NVL: variants seen among roughly 807,000 people sequenced by gnomAD.
NVL encodes nuclear valosin-containing protein-like.
NVL carries 84 observed loss-of-function variants against 110.2 expected under a neutral mutation model. That is an observed-to-expected ratio of 0.76 (90% CI 0.64 to 0.91). The LOEUF (loss-of-function observed/expected upper bound fraction) is 0.91. NVL is among the 40% of genes least tolerant of loss of function. The probability of loss-of-function intolerance (pLI) is 0.00; values close to 1 mark genes in which losing one functional copy is unlikely to be tolerated. For synonymous variants in NVL, 354 were observed against 361.1 expected, an observed-to-expected ratio of 0.98 and a Z score of 0.22; for missense variants, 882 against 1,035.9, an observed-to-expected ratio of 0.85 and a Z score of 2.04.
chr1:224,319,393 C>G lies in NVL; in HGVS notation c.132-1463G>C, dbSNP rs181539630. ...TGCAATCTCGGCTCACTGCAGACTC[C>G]GCTTCCGGGGTTCACGCCATTCTCC... On this transcript the variant is annotated intron_variant, in intron 2 of 22. Coordinates refer to ENST00000281701, the MANE Select transcript of NVL (RefSeq NM_002533.4). 6.0e-3 allele frequency among the ~76,000 whole-genome samples: 910 copies of G among 151,746 alleles called. 7 individuals are homozygous for G. Among genetic ancestry groups the G allele is most frequent in the African/African-American group, 0.021 (861 of 41,416 alleles).
chr1:224,276,676 A>G (rs1051260048), intron 16 of NVL, among the ~76,000 whole-genome samples: 1 of 152,122 alleles, frequency 6.6e-6, no homozygotes, highest in African/African-American at 2.4e-5. Context: ...TTTCCCTCAC[A>G]TCCTTTTGGT....
intron 19 of NVL, among the ~76,000 whole-genome samples, chr1:224,247,467 G>A (rs1349147415): frequency 2.0e-5 from 3 of 151,904 alleles, no homozygotes; most frequent in East Asian, 1.9e-4. Flanking sequence ...TCAGGAGTTC[G>A]AGACCAGCCT....
chr1:224,257,143 T>C (rs2102785149), intron 18 of NVL: 1 of 517,724 alleles, frequency 1.9e-6, no homozygotes, highest in Non-Finnish European at 3.9e-6. Context: ...AAAATAACAA[T>C]TCTGATATTT....
chr1:224,260,964 C>T (rs1333994266), intron 18 of NVL, among the ~76,000 whole-genome samples: 1 of 152,068 alleles, frequency 6.6e-6, no homozygotes, highest in Non-Finnish European at 1.5e-5. Context: ...CAACCTCTGC[C>T]TCCTGAGTTC....
At chr1:224,262,237 C>G (rs1664067450) in intron 18 of NVL, among the ~76,000 whole-genome samples, 1 of 151,620 alleles carries the variant, frequency 6.6e-6, no homozygotes, top group South Asian at 2.1e-4. Flanking sequence ...GACATGGAAC[C>G]TTTAAAAGAA....
At chr1:224,245,913 G>A (rs1330915245) in intron 19 of NVL, among the ~76,000 whole-genome samples, 5 of 151,866 alleles carry the variant, frequency 3.3e-5, no homozygotes, top group South Asian at 2.1e-4. Context: ...CACCATGCCC[G>A]GCCAAAGTTG....
intron 1 of NVL, among the ~76,000 whole-genome samples, chr1:224,328,952 T>A (rs929168213): frequency 6.6e-6 from 1 of 152,116 alleles, no homozygotes; most frequent in Non-Finnish European, 1.5e-5. Context: ...GCACCGGTAA[T>A]CCCAGCACTT....
rs966619715 is a variant in NVL, at chr1:224,287,781, T to C, written c.1788A>G (p.Ala596=). 2 of 1,613,764 alleles carry C rather than the reference T, an allele frequency of 1.2e-6. No homozygotes were observed. The highest frequency in any genetic ancestry group is 1.7e-6 in the Non-Finnish European group (2 of 1,179,658). ...LEDIREELTM[A]ILAPVRNPDQ... ...TGGCAGCTGATATACCTACCAATAT[T>C]GCCATGGTGAGCTCCTCTCTAATGT... The change falls in exon 14 of 23, where the codon GCA becomes GCG. Residue 596 remains alanine (A), a synonymous_variant. Coordinates refer to ENST00000281701, the MANE Select transcript of NVL (RefSeq NM_002533.4).
rs781136830 is a variant in NVL at position 224,286,041 on chromosome 1, C to T, written c.1884G>A (p.Lys628=). 5.6e-6 allele frequency: 9 copies of T among 1,613,678 alleles called. No homozygotes were observed. The highest frequency in any genetic ancestry group is 1.6e-4 in the Middle Eastern group (1 of 6,082). The change falls in exon 15 of 23, where the codon AAG becomes AAA. Residue 628 remains lysine (K), a synonymous_variant. Coordinates refer to ENST00000281701, the MANE Select transcript of NVL (RefSeq NM_002533.4). ...TATATGATACCTTCGCCAGCAGAGT[C>T]TTCCCACAGCCAGGAGGACCAGCAA... is the stretch of plus-strand genomic sequence containing the variant. The part of the protein sequence containing the change: ...VLLAGPPGCG[K]TLLAKAVANE...
intron 19 of NVL, 115 bp downstream of exon 19, chr1:224,250,097 C>G (rs1571826787): frequency 4.0e-6 from 4 of 1,001,918 alleles, no homozygotes. Context: ...ATAGGCTGGG[C>G]AAACACAGCT....
chr1:224,249,367 C>T (rs1377456937), intron 19 of NVL, among the ~76,000 whole-genome samples: 1 of 152,168 alleles, frequency 6.6e-6, no homozygotes, highest in Non-Finnish European at 1.5e-5. Flanking sequence ...TCAAAGCAAT[C>T]CACCTGCCTT....
chr1:224,249,527 G>A lies in NVL; in HGVS notation c.2289+685C>T, dbSNP rs191242399. Among the ~76,000 whole-genome samples the A allele has an allele frequency of 5.0e-3, 767 of 152,184 alleles. 2 individuals carry two copies. Among genetic ancestry groups the A allele is most frequent in the Non-Finnish European group, 8.7e-3 (591 of 68,008 alleles). On this transcript the variant is annotated intron_variant, in intron 19 of 22. Transcript: ENST00000281701. Reference sequence around the variant, plus strand: ...TGGGAGGCCGAGGCGGGTGGATCACGAGGTCAGGAGATCGAGACCATCCTG... The same window carrying A: ...TGGGAGGCCGAGGCGGGTGGATCACAAGGTCAGGAGATCGAGACCATCCTG...
intron 18 of NVL, among the ~76,000 whole-genome samples, chr1:224,254,563 G>GTTTTTTTTTTTT (rs71572893): frequency 1.9e-4 from 7 of 36,692 alleles, no homozygotes; most frequent in African/African-American, 3.7e-4. Flanking sequence ...CGGCTAATTT[G>GTTTTTTTTTTTT]TTTTTTTTGT....
intron 18 of NVL, among the ~76,000 whole-genome samples, chr1:224,266,660 T>C (rs911893963): frequency 6.6e-5 from 10 of 152,222 alleles, no homozygotes; most frequent in African/African-American, 1.9e-4. Flanking sequence ...TCTTGAAATA[T>C]GTGAGAAAAG....
chr1:224,297,466 G>GGT (rs1333757726), intron 10 of NVL, among the ~76,000 whole-genome samples: 34 of 152,124 alleles, frequency 2.2e-4, no homozygotes, highest in Non-Finnish European at 1.9e-4. Context: ...TGATGGCCAG[G>GGT]GACTGGTAGG....
intron 19 of NVL, among the ~76,000 whole-genome samples, chr1:224,248,561 C>G (rs1212688571): frequency 1.3e-5 from 2 of 152,188 alleles, no homozygotes; most frequent in Admixed American, 1.3e-4. Flanking sequence ...ATCACAGAAT[C>G]TTCCTTTGTC....
At chr1:224,278,511 G>A (rs1176758733) in intron 16 of NVL, among the ~76,000 whole-genome samples, 3 of 151,966 alleles carry the variant, frequency 2.0e-5, no homozygotes, top group African/African-American at 4.8e-5. Context: ...GATTATAGGC[G>A]TGAGCCACCG....
intron 18 of NVL, among the ~76,000 whole-genome samples, chr1:224,257,470 T>C (rs899416713): frequency 6.6e-6 from 1 of 152,158 alleles, no homozygotes; most frequent in Non-Finnish European, 1.5e-5. Flanking sequence ...GGGGGACTAA[T>C]TAATCTTTGC....
intron 22 of NVL, 154 bp from the exon 23 acceptor site, chr1:224,227,824 A>G: frequency 2.0e-6 from 1 of 510,974 alleles, no homozygotes; most frequent in Non-Finnish European, 3.5e-6. Context: ...AGACTGGATT[A>G]AAATGAGGTC....
Sources: allele counts gnomAD v4.1 joint callset (sites outside exome capture counted in the v4.1 genomes callset), GRCh38; gene constraint gnomAD v4.1.1; transcripts MANE v1.5; gene names NCBI Gene and HGNC (gene_info 2026-07-23, HGNC 2026-07-21).